Variants in TMEM117 observed in about 807,000 individuals in gnomAD.
TMEM117 encodes transmembrane protein 117.
In TMEM117, 27 loss-of-function variants were observed where a neutral mutation model predicts 52.4. The observed-to-expected ratio is 0.51, with a 90% CI of 0.38 to 0.71. The LOEUF is 0.71. Ranked by LOEUF, TMEM117 falls within the 30% of genes least tolerant of loss-of-function variation. The pLI is 0.00. For synonymous variants in TMEM117, 215 were observed against 206.3 expected (o/e 1.04, Z -0.36); for missense variants, 556 against 630.5 (o/e 0.88, Z 1.26).
At chr12:44,353,563 C>T (rs1363066045) in intron 6 of TMEM117, among the ~76,000 whole-genome samples, 9 of 151,938 alleles carry the variant, frequency 5.9e-5, no homozygotes, top group African/African-American at 2.2e-4. Flanking sequence ...AATCCTTTCC[C>T]CATTGCTTGT....
chr12:43,907,219 C>T (rs1024746033), intron 2 of TMEM117, among the ~76,000 whole-genome samples: 2 of 152,070 alleles, frequency 1.3e-5, no homozygotes, highest in African/African-American at 2.4e-5. Flanking sequence ...CTGGGAGGCA[C>T]CCCCCGGCAG....
intron 2 of TMEM117, among the ~76,000 whole-genome samples, chr12:43,870,528 G>C (rs1943685253): frequency 6.6e-6 from 1 of 151,986 alleles, no homozygotes; most frequent in Non-Finnish European, 1.5e-5. Context: ...CAAAGTGCTG[G>C]GTTTACAGGC....
rs781312092 is a variant in TMEM117, at chr12:44,027,132, ATATTTTATTTTATTTTATTTTATTT to A, written c.410+82833_410+82857del. Among the ~76,000 whole-genome samples, 124 of 104,096 alleles carry A rather than the reference ATATTTTATTTTATTTTATTTTATTT, an allele frequency of 1.2e-3. 3 individuals carry two copies. In the East Asian group the frequency reaches 0.018, roughly 15 times the overall value. 68.3% of individuals were successfully genotyped at this position (104,096 alleles called of 152,430 possible). On this transcript the variant is annotated intron_variant, in intron 3 of 7. Transcript: ENST00000266534. Reference sequence around the variant, plus strand: ...TTATTTTATCTTATTATTTTATTTTATATTTTATTTTATTTTATTTTATTTTATTTTATTTTATTTTATTTTATTT... The same window carrying A: ...TTATTTTATCTTATTATTTTATTTTATATTTTATTTTATTTTATTTTATTT...
chr12:43,933,423 G>A (rs974485077), intron 2 of TMEM117, among the ~76,000 whole-genome samples: 5 of 151,134 alleles, frequency 3.3e-5, no homozygotes, highest in Non-Finnish European at 7.4e-5. Context: ...GGATGGTCTC[G>A]ATCTCCTGAC....
intron 2 of TMEM117, among the ~76,000 whole-genome samples, chr12:43,854,516 A>G (rs1030668745): frequency 2.0e-5 from 3 of 152,150 alleles, no homozygotes; most frequent in African/African-American, 7.2e-5. Flanking sequence ...GGAAGTGATG[A>G]CAGCAGGTCA....
intron 4 of TMEM117, among the ~76,000 whole-genome samples, chr12:44,150,640 A>C (rs1948708971): frequency 6.6e-6 from 1 of 152,162 alleles, no homozygotes; most frequent in Admixed American, 6.6e-5. Flanking sequence ...AAATGTGGTC[A>C]TTTTGCTTTT....
At position 43,909,632 on chromosome 12, in the gene TMEM117, A is replaced by T. The variant is rs190794463; in HGVS notation, c.278-34578A>T. 2.0e-5 allele frequency among the ~76,000 whole-genome samples: 3 copies of T among 152,148 alleles called. No individual in the cohort carries two copies. The East Asian group carries it at 5.8e-4, about 30-fold the overall frequency. The stretch of plus-strand genomic sequence containing the variant: ...TAATAAAGAAAAAAAGAAGAATCAA[A>T]TAGATGCAATAAAAAATGATAAAGG... On this transcript the variant is annotated intron_variant, in intron 2 of 7. Coordinates refer to ENST00000266534, the MANE Select transcript of TMEM117 (RefSeq NM_032256.3).
intron 5 of TMEM117, among the ~76,000 whole-genome samples, chr12:44,247,319 A>T (rs1460823714): frequency 2.0e-5 from 3 of 152,236 alleles, no homozygotes; most frequent in Non-Finnish European, 2.9e-5. Context: ...CGATTAAATT[A>T]TGGAAAAATT....
rs1250202412 is a variant in TMEM117, at chr12:44,006,663, G to A, written c.410+62321G>A. ...CATATGATATCTGAAGAATTTAGAT[G>A]GCTGGGGGCGGGGAAACTTTGAATA... On this transcript the variant is annotated intron_variant, in intron 3 of 7. Transcript: ENST00000266534. 6.6e-5 allele frequency among the ~76,000 whole-genome samples: 10 copies of A among 152,224 alleles called. No homozygotes were observed. The East Asian group carries it at 1.9e-3, about 29-fold the overall frequency.
intron 2 of TMEM117, among the ~76,000 whole-genome samples, chr12:43,942,120 G>A (rs1320918): frequency 0.98 from 149,929 of 152,284 alleles, 73,835 homozygotes; most frequent in East Asian, 1. Context: ...CAGCAAAGGG[G>A]CCCCTGAACA....
chr12:44,374,214 T>C (rs766635212), intron 6 of TMEM117, among the ~76,000 whole-genome samples: 16 of 152,032 alleles, frequency 1.1e-4, no homozygotes, highest in Admixed American at 5.2e-4. Context: ...TCTGAAGAGG[T>C]ATCTAGAGTA....
In TMEM117 at chr12:43,844,785, T is replaced by G; in HGVS notation, c.134T>G (p.Ile45Ser). 6.2e-7 allele frequency: 1 copy of G among 1,614,210 alleles called. No individual in the cohort carries two copies. Among genetic ancestry groups the G allele is most frequent in the Non-Finnish European group, 8.5e-7 (1 of 1,180,038 alleles). ...CATAGCCAAACAGAAGCCAATGTTA[T>G]TGTTGTTGGAAACTGTTTTTCATTT... ...VSHSQTEANV[I>S]VVGNCFSFVT... Residue 45 changes from isoleucine to serine, a missense_variant, in exon 2 of 8, where the codon ATT becomes AGT. By Grantham distance (142) the Ile-to-Ser change is moderately radical (BLOSUM62 -2). This residue lies in a region of TMEM117 where 328 missense variants were observed against 371.4 expected (regional missense o/e 0.88). Transcript: ENST00000266534.
At chr12:43,942,088 G>T (rs1011008587) in intron 2 of TMEM117, among the ~76,000 whole-genome samples, 1 of 152,152 alleles carries the variant, frequency 6.6e-6, no homozygotes, top group Non-Finnish European at 1.5e-5. Flanking sequence ...AATAGGTCTT[G>T]GTCTAAAGCT....
intron 5 of TMEM117, among the ~76,000 whole-genome samples, chr12:44,281,848 A>C (rs930284576): frequency 6.6e-6 from 1 of 152,146 alleles, no homozygotes; most frequent in African/African-American, 2.4e-5. Context: ...TTTCTTTACC[A>C]ATCTTGCAGT....
At chr12:44,197,418 A>T (rs927061107) in intron 4 of TMEM117, among the ~76,000 whole-genome samples, 3 of 152,168 alleles carry the variant, frequency 2.0e-5, no homozygotes, top group Non-Finnish European at 4.4e-5. Flanking sequence ...AAAGCTACTC[A>T]TTCTTTCAGG....
rs996309916 is a variant in TMEM117, at chr12:44,114,096, C to T, written c.411-29429C>T. ...CACGGTGCGCACACACACTGGCCTG[C>T]GCCCACTGTCTGGCACTCCCTAGTG... On this transcript the variant is annotated intron_variant, in intron 3 of 7. Transcript: ENST00000266534. Among the ~76,000 whole-genome samples the T allele has an allele frequency of 1.2e-4, 18 of 149,302 alleles. No homozygotes were observed. In the East Asian group the frequency reaches 2.2e-3, roughly 18 times the overall value.
At chr12:44,320,676 C>A (rs1401399848) in intron 6 of TMEM117, among the ~76,000 whole-genome samples, 2 of 152,240 alleles carry the variant, frequency 1.3e-5, no homozygotes, top group African/African-American at 4.8e-5. Flanking sequence ...CTGCCCTCAG[C>A]CATCCAACCC....
intron 4 of TMEM117, among the ~76,000 whole-genome samples, chr12:44,155,814 G>A (rs977245385): frequency 6.6e-6 from 1 of 152,092 alleles, no homozygotes; most frequent in Non-Finnish European, 1.5e-5. Flanking sequence ...CTGACAGGGA[G>A]TCCTGCTTTG....
intron 2 of TMEM117, among the ~76,000 whole-genome samples, chr12:43,855,962 T>C (rs1943393069): frequency 6.6e-6 from 1 of 152,188 alleles, no homozygotes; most frequent in Non-Finnish European, 1.5e-5. Context: ...TAAAAAACTA[T>C]TATTTTAATA....
Sources: gnomAD v4.1 joint callset for allele counts (sites outside exome capture counted in the v4.1 genomes callset) on GRCh38, gnomAD v4.1.1 for gene constraint, gnomAD v4.1.1 regional missense constraint, MANE v1.5 for transcripts, NCBI Gene and HGNC (gene_info 2026-07-23, HGNC 2026-07-21) for gene names.